Variants in CNTN4 observed in about 807,000 individuals in gnomAD.
CNTN4 encodes the protein contactin 4, also known as contactin-4.
A neutral mutation model predicts 122.5 loss-of-function variants in CNTN4; 77 were observed. The ratio of observed to expected loss-of-function variants is 0.63; its 90% CI spans 0.52 to 0.76. The LOEUF (loss-of-function observed/expected upper bound fraction) is 0.76, where lower values mean the gene tolerates loss of function less well. CNTN4 is among the 30% of genes least tolerant of loss of function. The pLI, the probability that CNTN4 is intolerant of heterozygous loss-of-function variation, is 0.00. For missense variants in CNTN4, 1,256 were observed against 1,259.1 expected (o/e 1.00, Z 0.04); for synonymous variants, 512 against 447.0 (o/e 1.15, Z -1.83).
intron 4 of CNTN4, among the ~76,000 whole-genome samples, chr3:2,686,483 C>T: frequency 6.6e-6 from 1 of 152,086 alleles, no homozygotes; most frequent in East Asian, 1.9e-4. Flanking sequence ...AATCTCTATG[C>T]CCTTTTTCCT....
At chr3:2,849,826 C>T (rs1379306902) in intron 7 of CNTN4, among the ~76,000 whole-genome samples, 1 of 152,160 alleles carries the variant, frequency 6.6e-6, no homozygotes, top group Non-Finnish European at 1.5e-5. Flanking sequence ...TGGAGATCCA[C>T]AGCCTTCCTT....
chr3:2,719,747 T>C (rs755157871), intron 4 of CNTN4, among the ~76,000 whole-genome samples: 1 of 152,112 alleles, frequency 6.6e-6, no homozygotes, highest in Non-Finnish European at 1.5e-5. Flanking sequence ...TGAAATAGAA[T>C]GAAAAGTTAA....
rs547302190 is a variant in CNTN4, at chr3:2,261,726, T to C, written c.-144-77452T>C. Among the ~76,000 whole-genome samples, 4 of 152,292 alleles carry C rather than the reference T, an allele frequency of 2.6e-5. No homozygotes were observed. In the South Asian group the frequency reaches 8.3e-4, roughly 32 times the overall value. ...ATTGTGCTTTCCTTTAAGTGGAGTA[T>C]TGCCCAGATGTGGAAGTTAGATGTG... On this transcript the variant is annotated intron_variant, in intron 2 of 24. Transcript: ENST00000418658.
chr3:2,633,722 G>C (rs897685878), intron 4 of CNTN4, among the ~76,000 whole-genome samples: 3 of 152,200 alleles, frequency 2.0e-5, no homozygotes, highest in Non-Finnish European at 2.9e-5. Context: ...GAAGCACAGT[G>C]TTCATAACCT....
intron 3 of CNTN4, 162 bp from the exon 4 acceptor site, chr3:2,571,254 T>G: frequency 1.8e-6 from 1 of 547,946 alleles, no homozygotes; most frequent in South Asian, 2.1e-5. Flanking sequence ...AAAATAGGAG[T>G]CTTATTAGCT....
At chr3:2,428,645 C>T (rs1328767315) in intron 3 of CNTN4, among the ~76,000 whole-genome samples, 3 of 152,110 alleles carry the variant, frequency 2.0e-5, no homozygotes, top group Non-Finnish European at 4.4e-5. Flanking sequence ...GAAGTTCTCC[C>T]AGATAATATC....
intron 3 of CNTN4, among the ~76,000 whole-genome samples, chr3:2,512,043 T>A (rs2076901947): frequency 6.6e-6 from 1 of 152,184 alleles, no homozygotes; most frequent in Admixed American, 6.5e-5. Flanking sequence ...AAAACTAATA[T>A]ATATATAAAG....
chr3:2,111,527 C>T (rs2032955780), intron 2 of CNTN4, among the ~76,000 whole-genome samples: 1 of 152,092 alleles, frequency 6.6e-6, no homozygotes, highest in African/African-American at 2.4e-5. Flanking sequence ...TATTTAGTCT[C>T]CACAGCTGGA....
At chr3:2,197,262 C>T (rs2037887829) in intron 2 of CNTN4, among the ~76,000 whole-genome samples, 1 of 152,146 alleles carries the variant, frequency 6.6e-6, no homozygotes, top group African/African-American at 2.4e-5. Flanking sequence ...TACCTGGATT[C>T]ATCCTGTGTA....
intron 3 of CNTN4, among the ~76,000 whole-genome samples, chr3:2,386,086 A>G (rs2046246994): frequency 6.6e-6 from 1 of 152,026 alleles, no homozygotes; most frequent in Admixed American, 6.6e-5. Flanking sequence ...TATATCTATG[A>G]CATTGGTTAG....
At chr3:2,912,907 T>G (rs917298045) in intron 12 of CNTN4, among the ~76,000 whole-genome samples, 1 of 152,304 alleles carries the variant, frequency 6.6e-6, no homozygotes, top group South Asian at 2.1e-4. Context: ...ATCCCAGCAC[T>G]TTGGGAGGCT....
intron 3 of CNTN4, among the ~76,000 whole-genome samples, chr3:2,492,639 A>T (rs767087628): frequency 6.6e-6 from 1 of 152,194 alleles, no homozygotes; most frequent in Non-Finnish European, 1.5e-5. Context: ...AATTGGGAAG[A>T]AAATTCTTAG....
At chr3:2,748,553 T>C (rs2089920982) in intron 6 of CNTN4, among the ~76,000 whole-genome samples, 1 of 152,214 alleles carries the variant, frequency 6.6e-6, no homozygotes, top group Non-Finnish European at 1.5e-5. Flanking sequence ...GAATTTCCAC[T>C]AAAATGAAAT....
At chr3:2,478,805 T>C (rs2075904223) in intron 3 of CNTN4, among the ~76,000 whole-genome samples, 1 of 152,220 alleles carries the variant, frequency 6.6e-6, no homozygotes, top group Admixed American at 6.5e-5. Flanking sequence ...GGTGTATATA[T>C]ACCACATTTT....
intron 2 of CNTN4, among the ~76,000 whole-genome samples, chr3:2,111,769 T>C (rs1025622789): frequency 3.0e-4 from 45 of 152,142 alleles, no homozygotes; most frequent in Admixed American, 1.3e-4. Context: ...AGTTACTTAA[T>C]TGTATATACA....
chr3:2,924,957 AT>A (rs1227422619), intron 12 of CNTN4, among the ~76,000 whole-genome samples: 1 of 152,112 alleles, frequency 6.6e-6, no homozygotes, highest in Non-Finnish European at 1.5e-5. Flanking sequence ...AAAAAATCTT[AT>A]GGCGTTCCTA....
In CNTN4 at chr3:2,351,456, C is replaced by T. The variant is rs191092657; in HGVS notation, c.-89+12223C>T. Among the ~76,000 whole-genome samples, 79 of 152,078 alleles carry T rather than the reference C, an allele frequency of 5.2e-4. 1 individual carries two copies. Among genetic ancestry groups the T allele is most frequent in the Non-Finnish European group, 8.5e-4 (58 of 67,994 alleles). Reference sequence around the variant, plus strand: ...AAGATGGGACAAGGGTGACCTTACTCGCATTAAAGAAGTGGATGATACTTA... The same window carrying T: ...AAGATGGGACAAGGGTGACCTTACTTGCATTAAAGAAGTGGATGATACTTA... On this transcript the variant is annotated intron_variant, in intron 3 of 24. Transcript: ENST00000418658.
chr3:2,826,665 A>C (rs2092994870), intron 7 of CNTN4, among the ~76,000 whole-genome samples: 1 of 152,172 alleles, frequency 6.6e-6, no homozygotes, highest in Non-Finnish European at 1.5e-5. Flanking sequence ...CGTTATTAAG[A>C]TATCACCTTC....
At chr3:2,807,522 T>A (rs547613438) in intron 6 of CNTN4, among the ~76,000 whole-genome samples, 2 of 152,154 alleles carry the variant, frequency 1.3e-5, no homozygotes, top group African/African-American at 4.8e-5. Context: ...ATACAGCTAA[T>A]TCAGCATCCA....
Sources: gnomAD v4.1 joint callset for allele counts (sites outside exome capture counted in the v4.1 genomes callset) on GRCh38, gnomAD v4.1.1 for gene constraint, MANE v1.5 for transcripts, NCBI Gene and HGNC (gene_info 2026-07-23, HGNC 2026-07-21) for gene names.